Variants in C3orf70 observed in about 807,000 individuals in gnomAD.
C3orf70 encodes chromosome 3 open reading frame 70, also known as UPF0524 protein C3orf70.
Under a neutral mutation model 20.7 loss-of-function variants are expected in C3orf70, and 15 were observed. That is an observed-to-expected ratio of 0.72 (90% CI 0.48 to 1.11). The LOEUF (loss-of-function observed/expected upper bound fraction) is 1.11. C3orf70 is among the 50% of genes most tolerant of loss of function. The pLI is 0.00. For synonymous variants in C3orf70, 161 were observed against 125.7 expected, an observed-to-expected ratio of 1.28 and a Z score of -1.88; for missense variants, 332 against 317.6, an observed-to-expected ratio of 1.05 and a Z score of -0.34.
At chr3:185,149,570 T>G (rs1183580992) in intron 1 of C3orf70, among the ~76,000 whole-genome samples, 3 of 152,152 alleles carry the variant, frequency 2.0e-5, no homozygotes, top group Non-Finnish European at 4.4e-5. Flanking sequence ...TTCAACAGAA[T>G]TAAAGGAATT....
intron 1 of C3orf70, among the ~76,000 whole-genome samples, chr3:185,148,404 T>G (rs547556893): frequency 6.6e-6 from 1 of 152,342 alleles, no homozygotes; most frequent in East Asian, 1.9e-4. Flanking sequence ...TAAAGCAGAA[T>G]TCTAGAAGTT....
chr3:185,099,570 G>A (rs915446563), intron 1 of C3orf70, among the ~76,000 whole-genome samples: 7 of 152,168 alleles, frequency 4.6e-5, no homozygotes, highest in Admixed American at 2.0e-4. Flanking sequence ...CCTGAAGGAA[G>A]GAGTAAATAT....
At position 185,079,468 on chromosome 3, in the gene C3orf70, C is replaced by T. The variant is rs543440382; in HGVS notation, c.*3539G>A. On this transcript the variant is annotated 3_prime_UTR_variant, in exon 2 of 2. Coordinates refer to ENST00000335012, the MANE Select transcript of C3orf70 (RefSeq NM_001025266.3). ...CCCAGGAAAGGACTGTTCTTCAGGGCTGTCCTCAGATTCTTATTTCATATC... is the reference window on the plus strand; with the variant it reads ...CCCAGGAAAGGACTGTTCTTCAGGGTTGTCCTCAGATTCTTATTTCATATC... 14 of 152,148 alleles carry T rather than the reference C, an allele frequency of 9.2e-5. No homozygotes were observed. Among genetic ancestry groups the T allele is most frequent in the African/African-American group, 3.4e-4 (14 of 41,512 alleles). The allele number at this position is 152,148 out of a possible 1,614,324, so 9.4% of individuals were successfully genotyped here.
chr3:185,093,701 T>C (rs553150976), intron 1 of C3orf70, among the ~76,000 whole-genome samples: 1 of 151,598 alleles, frequency 6.6e-6, no homozygotes, highest in Admixed American at 6.6e-5. Context: ...ACAGAAAACA[T>C]GGAATGTAAA....
At chr3:185,136,309 C>T (rs558838369) in intron 1 of C3orf70, among the ~76,000 whole-genome samples, 1 of 152,328 alleles carries the variant, frequency 6.6e-6, no homozygotes, top group Admixed American at 6.5e-5. Context: ...AATATCTGGC[C>T]AGGCATGGTG....
intron 1 of C3orf70, among the ~76,000 whole-genome samples, chr3:185,107,075 C>T (rs576146339): frequency 1.3e-5 from 2 of 152,238 alleles, no homozygotes; most frequent in South Asian, 4.1e-4. Flanking sequence ...CTAATAAACA[C>T]CCTACCTGTG....
At chr3:185,152,601 A>G in intron 1 of C3orf70, 27 bp downstream of exon 1, 1 of 1,525,396 alleles carries the variant, frequency 6.6e-7, no homozygotes, top group Non-Finnish European at 8.8e-7. Flanking sequence ...ACCGCGGCGG[A>G]AGGCGGGAAG....
At chr3:185,084,490 A>T (rs988053795) in intron 1 of C3orf70, among the ~76,000 whole-genome samples, 8 of 151,892 alleles carry the variant, frequency 5.3e-5, no homozygotes, top group Non-Finnish European at 1.2e-4. Context: ...TCAGTGGCCT[A>T]ATCAGGAGGT....
rs530843468 is a variant in C3orf70 at position 185,111,869 on chromosome 3, T to C, written c.197-28306A>G. ...AACTGACCCTAATGAAATGTAATTA[T>C]ATTATTTGCCTGACAAAGAATTCAA... On this transcript the variant is annotated intron_variant, in intron 1 of 1. Coordinates refer to ENST00000335012, the MANE Select transcript of C3orf70 (RefSeq NM_001025266.3). 7.2e-5 allele frequency among the ~76,000 whole-genome samples: 11 copies of C among 152,356 alleles called. 1 individual carries two copies. The South Asian group carries it at 2.1e-3, about 29-fold the overall frequency.
At chr3:185,121,283 A>C (rs1283287426) in intron 1 of C3orf70, among the ~76,000 whole-genome samples, 1 of 151,900 alleles carries the variant, frequency 6.6e-6, no homozygotes, top group African/African-American at 2.4e-5. Context: ...TTCAGTGTAT[A>C]CTGCTCGGGT....
At chr3:185,151,268 A>G (rs1316746846) in intron 1 of C3orf70, among the ~76,000 whole-genome samples, 1 of 152,238 alleles carries the variant, frequency 6.6e-6, no homozygotes, top group African/African-American at 2.4e-5. Flanking sequence ...AATAAGACAG[A>G]CAGTAACCTG....
intron 1 of C3orf70, among the ~76,000 whole-genome samples, chr3:185,109,092 C>G (rs1716007332): frequency 6.6e-6 from 1 of 152,172 alleles, no homozygotes; most frequent in Non-Finnish European, 1.5e-5. Flanking sequence ...GAATATCTCC[C>G]TAAAACAGCA....
At chr3:185,150,390 A>T (rs1003884813) in intron 1 of C3orf70, among the ~76,000 whole-genome samples, 4 of 152,216 alleles carry the variant, frequency 2.6e-5, no homozygotes, top group Non-Finnish European at 5.9e-5. Context: ...TAAATATATT[A>T]AGAAAGAGCC....
intron 1 of C3orf70, among the ~76,000 whole-genome samples, chr3:185,113,966 G>A (rs1050033700): frequency 6.6e-6 from 1 of 152,200 alleles, no homozygotes; most frequent in Admixed American, 6.5e-5. Flanking sequence ...TTGGGAGGCC[G>A]AGGTGGGTGG....
At chr3:185,150,515 G>A (rs929252458) in intron 1 of C3orf70, among the ~76,000 whole-genome samples, 1 of 151,996 alleles carries the variant, frequency 6.6e-6, no homozygotes, top group African/African-American at 2.4e-5. Context: ...TGTGAGATGG[G>A]CAAACAGTGG....
chr3:185,091,896 T>C (rs1485698226), intron 1 of C3orf70, among the ~76,000 whole-genome samples: 1 of 85,414 alleles, frequency 1.2e-5, no homozygotes, highest in Non-Finnish European at 2.2e-5. Flanking sequence ...TATACACACA[T>C]ACACACACAC....
chr3:185,152,791 C>A lies in C3orf70; in HGVS notation c.33G>T (p.Arg11=). 6.4e-7 allele frequency: 1 copy of A among 1,569,532 alleles called. No individual in the cohort carries two copies. Among genetic ancestry groups the A allele is most frequent in the East Asian group, 2.5e-5 (1 of 39,826 alleles). The change falls in exon 1 of 2, where the codon CGG becomes CGT. Residue 11 remains arginine, a synonymous_variant. Transcript: ENST00000335012. MSAAASPASE[R]GWKSEKLDEA... ...CATCTAGTTTCTCGCTCTTCCAACC[C>A]CGCTCCGACGCCGGCGAGGCCGCCG... is the stretch of plus-strand genomic sequence containing the variant.
intron 1 of C3orf70, among the ~76,000 whole-genome samples, chr3:185,113,538 T>C (rs1237198490): frequency 2.6e-5 from 4 of 152,158 alleles, no homozygotes; most frequent in Non-Finnish European, 2.9e-5. Flanking sequence ...TGAACAAGCA[T>C]AGAAGGACCT....
At chr3:185,105,225 A>G (rs1412934394) in intron 1 of C3orf70, among the ~76,000 whole-genome samples, 2 of 152,242 alleles carry the variant, frequency 1.3e-5, no homozygotes, top group African/African-American at 4.8e-5. Flanking sequence ...GCCCCCCAAA[A>G]TCTGGCCATA....
Sources: allele counts gnomAD v4.1 joint callset (sites outside exome capture counted in the v4.1 genomes callset), GRCh38; gene constraint gnomAD v4.1.1; transcripts MANE v1.5; gene names NCBI Gene and HGNC (gene_info 2026-07-23, HGNC 2026-07-21).